Variants in DGKB observed in about 807,000 individuals in gnomAD.
DGKB encodes diacylglycerol kinase beta, also known as 90 kDa diacylglycerol kinase.
Under a neutral mutation model 114.3 loss-of-function variants are expected in DGKB, and 67 were observed. The observed-to-expected ratio is 0.59, with a 90% CI of 0.48 to 0.72. The LOEUF (loss-of-function observed/expected upper bound fraction) is 0.72. Ranked by LOEUF, DGKB falls within the 30% of genes least tolerant of loss-of-function variation. The pLI is 0.00. For synonymous variants in DGKB, 398 were observed against 323.1 expected (o/e 1.23, Z -2.49); for missense variants, 907 against 975.2 (o/e 0.93, Z 0.93).
In DGKB at chr7:14,781,667, C is replaced by G. The variant is rs182571894; in HGVS notation, c.71-23936G>C. On this transcript the variant is annotated intron_variant, in intron 2 of 25. Coordinates refer to ENST00000402815, the MANE Select transcript of DGKB (RefSeq NM_001350709.2). ...TCTTAATCAGGAAATTTGAGCTTGT[C>G]TGTCTTTATTCAAACAAACTATTCT... is the stretch of plus-strand genomic sequence containing the variant. Among the ~76,000 whole-genome samples the G allele has an allele frequency of 4.4e-3, 663 of 152,238 alleles. 7 individuals are homozygous for G. Among genetic ancestry groups the G allele is most frequent in the African/African-American group, 0.015 (620 of 41,526 alleles).
At chr7:14,445,779 G>C (rs950832386) in intron 21 of DGKB, among the ~76,000 whole-genome samples, 13 of 151,802 alleles carry the variant, frequency 8.6e-5, no homozygotes, top group Non-Finnish European at 1.8e-4. Flanking sequence ...CATTAAACAC[G>C]GGTATAAGTT....
intron 6 of DGKB, among the ~76,000 whole-genome samples, chr7:14,703,971 G>A: frequency 6.6e-6 from 1 of 151,996 alleles, no homozygotes; most frequent in East Asian, 1.9e-4. Flanking sequence ...CCTTATTAAA[G>A]TGTACACACC....
At chr7:14,519,799 A>T (rs1789447611) in intron 20 of DGKB, among the ~76,000 whole-genome samples, 1 of 151,948 alleles carries the variant, frequency 6.6e-6, no homozygotes, top group South Asian at 2.1e-4. Flanking sequence ...TTCTTTAATT[A>T]TTAATAATGT....
At chr7:14,336,028 G>A (rs1367198678) in intron 23 of DGKB, among the ~76,000 whole-genome samples, 1 of 152,152 alleles carries the variant, frequency 6.6e-6, no homozygotes, top group African/African-American at 2.4e-5. Flanking sequence ...GCATGTGTGA[G>A]CCACCATGCC....
chr7:14,525,425 C>T (rs1436065827), intron 20 of DGKB, among the ~76,000 whole-genome samples: 1 of 152,102 alleles, frequency 6.6e-6, no homozygotes, highest in Non-Finnish European at 1.5e-5. Context: ...AATGACTGTT[C>T]TGGAAATTAT....
intron 23 of DGKB, among the ~76,000 whole-genome samples, chr7:14,291,077 G>A (rs1468406293): frequency 1.3e-5 from 2 of 148,788 alleles, no homozygotes; most frequent in Non-Finnish European, 2.9e-5. Context: ...AAGAGGCAGA[G>A]GTTGCAGTGA....
chr7:14,481,943 C>T (rs1563286409), intron 20 of DGKB, among the ~76,000 whole-genome samples: 2 of 151,920 alleles, frequency 1.3e-5, no homozygotes, highest in South Asian at 4.1e-4. Context: ...CAAAGGTACA[C>T]AATAACAACA....
intron 3 of DGKB, 71 bp downstream of exon 3, chr7:14,757,584 G>T: frequency 1.1e-6 from 1 of 870,264 alleles, no homozygotes; most frequent in Non-Finnish European, 1.9e-6. Context: ...ATTTTTCCAA[G>T]AATTGTTTAT....
chr7:14,731,159 T>G (rs1034326524), intron 5 of DGKB, among the ~76,000 whole-genome samples: 1 of 152,176 alleles, frequency 6.6e-6, no homozygotes, highest in Non-Finnish European at 1.5e-5. Flanking sequence ...GTGGATAGAT[T>G]CTTGGATGCT....
chr7:14,680,979 C>A (rs542357678), intron 12 of DGKB, among the ~76,000 whole-genome samples: 2 of 151,662 alleles, frequency 1.3e-5, no homozygotes, highest in African/African-American at 4.8e-5. Flanking sequence ...GAAATTATTT[C>A]TAATATTATC....
chr7:14,910,818 C>A (rs1157912213), intron 1 of DGKB, among the ~76,000 whole-genome samples: 1 of 152,034 alleles, frequency 6.6e-6, no homozygotes, highest in Admixed American at 6.5e-5. Context: ...GAGGGCAATA[C>A]AACAGTTAGT....
At chr7:14,801,125 T>C (rs1198123096) in intron 2 of DGKB, among the ~76,000 whole-genome samples, 2 of 152,136 alleles carry the variant, frequency 1.3e-5, no homozygotes, top group African/African-American at 4.8e-5. Flanking sequence ...TTTATTCCCT[T>C]ATCATGTGGC....
rs77466942 is a variant in DGKB at position 14,662,759 on chromosome 7, C to A, written c.1134+10170G>T. On this transcript the variant is annotated intron_variant, in intron 13 of 25. Transcript: ENST00000402815. ...TAACTTTAAAAAGGTGAAAAAAAAA[C>A]CTAAAAATCAGGAAGGTAATTTTAA... Among the ~76,000 whole-genome samples the A allele has an allele frequency of 6.8e-3, 1,031 of 150,970 alleles. 16 individuals carry two copies. Among genetic ancestry groups the A allele is most frequent in the African/African-American group, 0.022 (919 of 41,174 alleles).
At chr7:14,830,400 C>G (rs573247171) in intron 2 of DGKB, among the ~76,000 whole-genome samples, 1 of 149,410 alleles carries the variant, frequency 6.7e-6, no homozygotes, top group South Asian at 2.1e-4. Flanking sequence ...AAAAAAAATA[C>G]CATGACTATT....
chr7:14,250,425 G>C (rs185964732), intron 23 of DGKB, among the ~76,000 whole-genome samples: 104 of 152,138 alleles, frequency 6.8e-4, no homozygotes, highest in Non-Finnish European at 1.3e-4. Flanking sequence ...TTGTTCAGGA[G>C]TATGTTGTTT....
intron 2 of DGKB, among the ~76,000 whole-genome samples, chr7:14,819,787 C>T (rs1443937888): frequency 6.6e-6 from 1 of 151,926 alleles, no homozygotes; most frequent in Non-Finnish European, 1.5e-5. Flanking sequence ...TTCTTAATAT[C>T]TATACCATAT....
At chr7:14,758,156 A>G (rs1835161468) in intron 2 of DGKB, among the ~76,000 whole-genome samples, 1 of 152,100 alleles carries the variant, frequency 6.6e-6, no homozygotes, top group South Asian at 2.1e-4. Flanking sequence ...CTATATATGC[A>G]TTACGAATAA....
intron 1 of DGKB, among the ~76,000 whole-genome samples, chr7:14,954,593 G>A (rs1002943809): frequency 2.6e-5 from 4 of 151,978 alleles, no homozygotes; most frequent in Admixed American, 6.6e-5. Flanking sequence ...ATCCAGGCAA[G>A]TGTGATTTTT....
chr7:14,633,115 G>C, intron 13 of DGKB, among the ~76,000 whole-genome samples: 1 of 151,904 alleles, frequency 6.6e-6, no homozygotes, highest in East Asian at 1.9e-4. Context: ...TAACATACTT[G>C]AAGTCTTCCT....
Sources: gnomAD v4.1 joint callset for allele counts (sites outside exome capture counted in the v4.1 genomes callset) on GRCh38, gnomAD v4.1.1 for gene constraint, MANE v1.5 for transcripts, NCBI Gene and HGNC (gene_info 2026-07-23, HGNC 2026-07-21) for gene names.